Variants in SPATA16 observed in about 807,000 individuals in gnomAD.
SPATA16 encodes spermatogenesis associated 16, also known as spermatogenesis-associated protein 16.
A neutral mutation model predicts 63.3 loss-of-function variants in SPATA16; 36 were observed. The observed-to-expected ratio is 0.57, with a 90% CI of 0.44 to 0.75. The LOEUF is 0.75. SPATA16 is among the 30% of genes least tolerant of loss of function. The pLI, the probability that SPATA16 is intolerant of heterozygous loss-of-function variation, is 0.00. For synonymous variants in SPATA16, 203 were observed against 216.7 expected, an observed-to-expected ratio of 0.94 and a Z score of 0.56; for missense variants, 646 against 679.3, an observed-to-expected ratio of 0.95 and a Z score of 0.54.
intron 2 of SPATA16, among the ~76,000 whole-genome samples, chr3:173,060,911 T>C (rs1736363958): frequency 1.3e-5 from 2 of 152,234 alleles, no homozygotes; most frequent in Non-Finnish European, 2.9e-5. Context: ...TTTTTCACTA[T>C]GTAGCATCTA....
chr3:172,950,051 A>G (rs978616012), intron 6 of SPATA16, among the ~76,000 whole-genome samples: 4 of 152,180 alleles, frequency 2.6e-5, no homozygotes, highest in Non-Finnish European at 5.9e-5. Flanking sequence ...GGAAAAATTT[A>G]TATTACTTCC....
chr3:172,916,365 T>C lies in SPATA16; in HGVS notation c.1455A>G (p.Leu485=). ...TGTCCTGTAGGTAGGGAATGGTTGCTAGCTCTGCCATTGCTTGATTAATCA... is the reference window on the plus strand; with the variant it reads ...TGTCCTGTAGGTAGGGAATGGTTGCCAGCTCTGCCATTGCTTGATTAATCA... The part of the protein sequence containing the change: ...SQVINQAMAE[L]ATIPYLQDIS... Residue 485 remains leucine, a synonymous_variant, in exon 9 of 11, where the codon CTA becomes CTG. Coordinates refer to ENST00000351008, the MANE Select transcript of SPATA16 (RefSeq NM_031955.6). 1 of 1,613,870 alleles carries C rather than the reference T, an allele frequency of 6.2e-7. No homozygotes were observed. The highest frequency in any genetic ancestry group is 8.5e-7 in the Non-Finnish European group (1 of 1,179,756).
At chr3:173,001,441 T>A (rs901157435) in intron 4 of SPATA16, among the ~76,000 whole-genome samples, 4 of 152,138 alleles carry the variant, frequency 2.6e-5, no homozygotes, top group Admixed American at 2.0e-4. Flanking sequence ...CTGTGGTGTA[T>A]TTCAAAATGA....
chr3:173,067,287 T>C (rs1736544194), intron 2 of SPATA16, among the ~76,000 whole-genome samples: 1 of 152,152 alleles, frequency 6.6e-6, no homozygotes, highest in African/African-American at 2.4e-5. Flanking sequence ...AAAGAATCCT[T>C]TGCAGCAACA....
rs536287538 is a variant in SPATA16, at chr3:172,910,351, C to T, written c.1587+3310G>A. 3.3e-5 allele frequency among the ~76,000 whole-genome samples: 5 copies of T among 152,246 alleles called. No individual in the cohort carries two copies. The South Asian group carries it at 1.0e-3, about 32-fold the overall frequency. The stretch of plus-strand genomic sequence containing the variant: ...TCGTGATCCGCCCGCCTTGGCCTTC[C>T]AAAGTGCTGGGGTTACAGGCGTGAG... On this transcript the variant is annotated intron_variant, in intron 10 of 10. Transcript: ENST00000351008.
intron 5 of SPATA16, among the ~76,000 whole-genome samples, chr3:172,962,906 T>A (rs1475274282): frequency 6.6e-6 from 1 of 152,166 alleles, no homozygotes; most frequent in African/African-American, 2.4e-5. Flanking sequence ...TCAAATTCAA[T>A]TTTTAAAATA....
chr3:173,127,151 A>G (rs952042358), intron 1 of SPATA16, among the ~76,000 whole-genome samples: 16 of 152,198 alleles, frequency 1.1e-4, no homozygotes, highest in Non-Finnish European at 2.4e-4. Flanking sequence ...GATCACATTT[A>G]TAATTCTCTT....
At chr3:172,968,494 A>G (rs927499618) in intron 5 of SPATA16, among the ~76,000 whole-genome samples, 1 of 152,212 alleles carries the variant, frequency 6.6e-6, no homozygotes, top group Non-Finnish European at 1.5e-5. Flanking sequence ...ATGGGGTAGT[A>G]AAAAGCAACC....
At chr3:173,059,114 G>A (rs559044888) in intron 2 of SPATA16, among the ~76,000 whole-genome samples, 3 of 152,094 alleles carry the variant, frequency 2.0e-5, no homozygotes, top group Non-Finnish European at 4.4e-5. Context: ...ATCCCCTGGG[G>A]CTCATTCTTA....
chr3:172,943,066 A>G (rs9864819), intron 6 of SPATA16, among the ~76,000 whole-genome samples: 13,342 of 152,208 alleles, frequency 0.088, 1,952 homozygotes, highest in African/African-American at 0.3. Context: ...TACTAAAAAC[A>G]AGGGAAGATG....
At chr3:173,053,380 T>C (rs992058371) in intron 2 of SPATA16, among the ~76,000 whole-genome samples, 11 of 151,618 alleles carry the variant, frequency 7.3e-5, no homozygotes, top group Non-Finnish European at 1.6e-4. Flanking sequence ...CAGTCTCTAA[T>C]AATAATAATA....
chr3:173,032,135 G>A (rs1431082935), intron 3 of SPATA16, among the ~76,000 whole-genome samples: 2 of 151,918 alleles, frequency 1.3e-5, no homozygotes, highest in Non-Finnish European at 2.9e-5. Flanking sequence ...AAGAAAATGA[G>A]GTTTTGAGAA....
intron 6 of SPATA16, among the ~76,000 whole-genome samples, chr3:172,955,642 G>A (rs915863828): frequency 3.3e-5 from 5 of 152,032 alleles, no homozygotes; most frequent in African/African-American, 1.2e-4. Flanking sequence ...CTTGAAGAGC[G>A]TGAGGGAATG....
chr3:172,973,404 C>T (rs544699280), intron 5 of SPATA16, among the ~76,000 whole-genome samples: 36 of 152,042 alleles, frequency 2.4e-4, no homozygotes, highest in Middle Eastern at 6.8e-3. Flanking sequence ...GGCAGCATGC[C>T]CCTGTTTAGT....
intron 6 of SPATA16, among the ~76,000 whole-genome samples, chr3:172,946,741 G>T (rs1733298449): frequency 6.6e-6 from 1 of 152,150 alleles, no homozygotes; most frequent in Non-Finnish European, 1.5e-5. Flanking sequence ...CAGCATTTCT[G>T]GACTAGAGTT....
chr3:172,962,654 C>A (rs1733816634), intron 5 of SPATA16, among the ~76,000 whole-genome samples: 1 of 151,956 alleles, frequency 6.6e-6, no homozygotes. Context: ...TCATAAAATC[C>A]ATCTGGGCAG....
At chr3:173,079,149 T>C (rs923181948) in intron 2 of SPATA16, among the ~76,000 whole-genome samples, 1 of 152,106 alleles carries the variant, frequency 6.6e-6, no homozygotes, top group Non-Finnish European at 1.5e-5. Flanking sequence ...GTGAAATATG[T>C]TATTGTCCAA....
chr3:172,930,553 C>CTT (rs34780432), intron 6 of SPATA16, among the ~76,000 whole-genome samples: 4,982 of 87,424 alleles, frequency 0.057, 239 homozygotes, highest in South Asian at 0.094. Flanking sequence ...CATTCAAACT[C>CTT]TTTTTTTTTT....
chr3:173,087,090 T>C (rs1442374487), intron 2 of SPATA16, among the ~76,000 whole-genome samples: 1 of 152,106 alleles, frequency 6.6e-6, no homozygotes, highest in Non-Finnish European at 1.5e-5. Flanking sequence ...CATTGTTAAT[T>C]TTCTGTCTTG....
Sources: allele counts gnomAD v4.1 joint callset (sites outside exome capture counted in the v4.1 genomes callset), GRCh38; gene constraint gnomAD v4.1.1; transcripts MANE v1.5; gene names NCBI Gene and HGNC (gene_info 2026-07-23, HGNC 2026-07-21).